Variants in POLE2 observed in about 807,000 individuals in gnomAD.
POLE2 encodes the protein DNA polymerase epsilon 2, accessory subunit.
Under a neutral mutation model 79.4 loss-of-function variants are expected in POLE2, and 56 were observed. The observed-to-expected ratio is 0.71, with a 90% CI of 0.57 to 0.88. The LOEUF is 0.88. POLE2 is among the 40% of genes least tolerant of loss of function. POLE2 has a pLI of 0.00. For synonymous variants in POLE2, 212 were observed against 214.0 expected (o/e 0.99, Z 0.08); for missense variants, 598 against 638.9 (o/e 0.94, Z 0.69).
At chr14:49,644,248 C>T (rs1883600436) in intron 18 of POLE2, among the ~76,000 whole-genome samples, 1 of 150,802 alleles carries the variant, frequency 6.6e-6, no homozygotes, top group East Asian at 2.0e-4. Context: ...CGGTGGCTCA[C>T]GCCTATAATC....
chr14:49,661,203 C>G (rs1364879563), intron 10 of POLE2, among the ~76,000 whole-genome samples: 6 of 146,042 alleles, frequency 4.1e-5, no homozygotes, highest in African/African-American at 1.5e-4. Context: ...CTTAACCTAA[C>G]TCTTCAAATG....
intron 2 of POLE2, among the ~76,000 whole-genome samples, 154 bp from the exon 3 acceptor site, chr14:49,679,954 A>G (rs774817800): frequency 6.6e-6 from 1 of 152,250 alleles, no homozygotes; most frequent in African/African-American, 2.4e-5. Context: ...TCAGAACAAT[A>G]ACAAAAGCCT....
intron 3 of POLE2, among the ~76,000 whole-genome samples, chr14:49,678,846 T>TG (rs56901132): frequency 0.23 from 34,844 of 151,674 alleles, 4,934 homozygotes; most frequent in African/African-American, 0.4. Context: ...TTAGTAGAGA[T>TG]GGGTTTCACC....
intron 15 of POLE2, among the ~76,000 whole-genome samples, chr14:49,651,965 A>C (rs1218464422): frequency 2.0e-5 from 3 of 151,998 alleles, no homozygotes; most frequent in African/African-American, 7.2e-5. Context: ...GGCTGGAGTA[A>C]ATGGGGAGGA....
intron 18 of POLE2, among the ~76,000 whole-genome samples, chr14:49,644,050 T>C (rs552548442): frequency 3.3e-5 from 5 of 150,990 alleles, no homozygotes; most frequent in South Asian, 2.1e-4. Flanking sequence ...TGGCTAATTT[T>C]TGTATTTTTA....
chr14:49,684,228 C>T (rs1334803755), intron 1 of POLE2, among the ~76,000 whole-genome samples: 1 of 151,992 alleles, frequency 6.6e-6, no homozygotes, highest in Non-Finnish European at 1.5e-5. Flanking sequence ...TTTGGGAGGC[C>T]GAGGCGGGCG....
intron 1 of POLE2, 56 bp downstream of exon 1, chr14:49,688,080 G>A (rs1887292286): frequency 2.2e-6 from 3 of 1,373,822 alleles, no homozygotes; most frequent in East Asian, 5.4e-5. Context: ...TGCCGCACCA[G>A]GCAGACGGGC....
chr14:49,677,259 G>T, intron 3 of POLE2: 1 of 643,290 alleles, frequency 1.6e-6, no homozygotes, highest in South Asian at 1.8e-5. Flanking sequence ...CTAAGCATGA[G>T]GCCCAGCTGC....
chr14:49,673,953 T>C (rs1886069587), intron 5 of POLE2, among the ~76,000 whole-genome samples, 170 bp downstream of exon 5: 1 of 152,182 alleles, frequency 6.6e-6, no homozygotes, highest in South Asian at 2.1e-4. Flanking sequence ...CATCTCTGTA[T>C]CTTCTACACA....
At chr14:49,677,318 GA>G in intron 3 of POLE2, 1 of 528,360 alleles carries the variant, frequency 1.9e-6, no homozygotes. Context: ...GAGAAAGGCC[GA>G]AGGACGATGG....
intron 18 of POLE2, among the ~76,000 whole-genome samples, chr14:49,646,402 T>C (rs1883781615): frequency 6.8e-6 from 1 of 146,030 alleles, no homozygotes; most frequent in African/African-American, 2.6e-5. Flanking sequence ...ACTCAACCTG[T>C]ACCTCTCAGG....
chr14:49,684,890 C>T (rs984578491), intron 1 of POLE2, among the ~76,000 whole-genome samples: 109 of 151,776 alleles, frequency 7.2e-4, no homozygotes, highest in African/African-American at 2.4e-3. Flanking sequence ...GGAGGGAGAA[C>T]GGAGTGAACC....
Position 49,663,314 on chromosome 14 carries a change from CCTAGT to C in POLE2, c.751_755del (p.Thr251GlyfsTer7). On this transcript the variant is annotated frameshift_variant and splice_region_variant, in exon 10 of 19. Transcript: ENST00000216367. LOFTEE classifies it high-confidence loss of function. ...AGAGTATAAACCAAACATTTTAATACCTAGTAGTACTAGAGGGCTCAGTGGGTGGA... is the reference window on the plus strand; with the variant it reads ...AGAGTATAAACCAAACATTTTAATACAGTACTAGAGGGCTCAGTGGGTGGA... The C allele has an allele frequency of 6.5e-7, 1 of 1,548,746 alleles. No homozygotes were observed. The highest frequency in any genetic ancestry group is 1.2e-5 in the South Asian group (1 of 85,744).
Position 49,674,349 on chromosome 14 carries a change from CG to C in POLE2, c.323del (p.Pro108LeufsTer3). The C allele has an allele frequency of 6.3e-7, 1 of 1,589,962 alleles. No homozygotes were observed. The highest frequency in any genetic ancestry group is 1.1e-5 in the South Asian group (1 of 90,288). The stretch of plus-strand genomic sequence containing the variant: ...TTAAAATCAGTGGATGACATACTTA[CG>C]GAAGAAATTTTTTTCTTTCTGAATT... ...VYNSERKKFLPLLMTNHPAPN... is the reference protein window; with the variant it reads ...VYNSERKKFLXLLMTNHPAPN... On this transcript the variant is annotated frameshift_variant and splice_region_variant, in exon 4 of 19. Transcript: ENST00000216367. LOFTEE classifies it high-confidence loss of function.
At chr14:49,649,003 T>A (rs1457155934) in intron 17 of POLE2, among the ~76,000 whole-genome samples, 1 of 152,056 alleles carries the variant, frequency 6.6e-6, no homozygotes, top group Non-Finnish European at 1.5e-5. Flanking sequence ...AGTCTAAAAT[T>A]CACAAGAATC....
At chr14:49,671,012 T>C (rs891105312) in intron 5 of POLE2, among the ~76,000 whole-genome samples, 1 of 152,130 alleles carries the variant, frequency 6.6e-6, no homozygotes, top group Non-Finnish European at 1.5e-5. Context: ...GATTTTGAAG[T>C]AGGATAATGA....
intron 10 of POLE2, among the ~76,000 whole-genome samples, chr14:49,656,761 G>C (rs957716051): frequency 6.6e-6 from 1 of 152,090 alleles, no homozygotes; most frequent in African/African-American, 2.4e-5. Context: ...AAAGAGGTTA[G>C]ATTTTCCCAT....
At chr14:49,648,516 T>C (rs987919890) in intron 17 of POLE2, among the ~76,000 whole-genome samples, 3 of 152,128 alleles carry the variant, frequency 2.0e-5, no homozygotes, top group African/African-American at 7.2e-5. Flanking sequence ...AAAAATCAGG[T>C]CATAAATTTC....
chr14:49,683,861 C>G (rs1259763077), intron 1 of POLE2, among the ~76,000 whole-genome samples, 168 bp from the exon 2 acceptor site: 1 of 152,210 alleles, frequency 6.6e-6, no homozygotes, highest in Non-Finnish European at 1.5e-5. Flanking sequence ...CAAAATCATC[C>G]TCCTATGCCT....
Sources: gnomAD v4.1 joint callset for allele counts (sites outside exome capture counted in the v4.1 genomes callset) on GRCh38, gnomAD v4.1.1 for gene constraint, MANE v1.5 for transcripts, NCBI Gene and HGNC (gene_info 2026-07-23, HGNC 2026-07-21) for gene names.